Variants in HEMK1 observed in about 807,000 individuals in gnomAD.
The protein encoded by HEMK1 is HemK methyltransferase 1, mitochondrial release factors N(5)-glutamine.
A neutral mutation model predicts 47.9 loss-of-function variants in HEMK1; 36 were observed. The observed-to-expected ratio is 0.75, with a 90% CI of 0.58 to 0.99. HEMK1 has a LOEUF of 0.99. Among genes scored for constraint, HEMK1 ranks in the 50% least tolerant of loss-of-function variants. HEMK1 has a pLI of 0.00. For missense variants in HEMK1, 383 were observed against 434.5 expected, an observed-to-expected ratio of 0.88 and a Z score of 1.05; for synonymous variants, 153 against 165.4, an observed-to-expected ratio of 0.93 and a Z score of 0.57.
rs1463295073 is a variant in HEMK1, at chr3:50,590,535, G to A, written c.*10118G>A. ...CACCTCACTACCCTCTAGCGTGGGC[G>A]ACAGCAAGACTGTTTCAAAAAAAAA... On this transcript the variant is annotated 3_prime_UTR_variant, in exon 11 of 11. Transcript: ENST00000232854. 2 of 90,828 alleles carry A rather than the reference G, an allele frequency of 2.2e-5. No homozygotes were observed. Among genetic ancestry groups the A allele is most frequent in the East Asian group, 3.6e-4 (1 of 2,752 alleles). The allele number at this position is 90,828 out of a possible 1,614,324, so 5.6% of individuals were successfully genotyped here. A position where few individuals can be genotyped will look rare whatever the true frequency, so the allele number is the denominator to read the frequency against.
At chr3:50,580,346 CA>C in intron 10 of HEMK1, 34 bp from the exon 11 acceptor site, 1 of 1,613,916 alleles carries the variant, frequency 6.2e-7, no homozygotes, top group South Asian at 1.1e-5. Flanking sequence ...CCCTGAGGCC[CA>C]GGTGGTAACC....
In HEMK1 at chr3:50,587,248, C is replaced by T. The variant is rs185163281; in HGVS notation, c.*6831C>T. 7.0e-4 allele frequency: 106 copies of T among 152,316 alleles called. No individual in the cohort carries two copies. Among genetic ancestry groups the T allele is most frequent in the African/African-American group, 2.4e-3 (99 of 41,534 alleles). The allele number at this position is 152,316 out of a possible 1,614,324, so 9.4% of individuals were successfully genotyped here. Reference sequence around the variant, plus strand: ...GGAGCAAGGGTTTCCAGGGCTGTCCCTAGAGGGCTTTCTAGAAGACCTGCA... The same window carrying T: ...GGAGCAAGGGTTTCCAGGGCTGTCCTTAGAGGGCTTTCTAGAAGACCTGCA... On this transcript the variant is annotated 3_prime_UTR_variant, in exon 11 of 11. Coordinates refer to ENST00000232854, the MANE Select transcript of HEMK1 (RefSeq NM_016173.5). This position sits in a 1 kb window ranked among gnomAD's most constrained non-coding sequence, Gnocchi z 4.2.
At chr3:50,579,989 T>A in intron 9 of HEMK1, 50 bp downstream of exon 9, 1 of 1,552,138 alleles carries the variant, frequency 6.4e-7, no homozygotes, top group South Asian at 1.1e-5. Flanking sequence ...GCTCCTCTGC[T>A]CCTAATGTGT....
At position 50,595,294 on chromosome 3, in the gene HEMK1, A is replaced by C. The variant is rs1199104851; in HGVS notation, c.*14877A>C. The C allele has an allele frequency of 2.6e-5, 4 of 152,252 alleles. No homozygotes were observed. Among genetic ancestry groups the C allele is most frequent in the Non-Finnish European group, 5.9e-5 (4 of 68,052 alleles). The allele number at this position is 152,252 out of a possible 1,614,324, so 9.4% of individuals were successfully genotyped here. On this transcript the variant is annotated 3_prime_UTR_variant, in exon 11 of 11. Coordinates refer to ENST00000232854, the MANE Select transcript of HEMK1 (RefSeq NM_016173.5). ...AACTCTGGGTTCAGAAACAGACAAC[A>C]GATTATTGTTTACAGTAACGGCAGT...
chr3:50,592,864 CTGGCCCCG>C lies in HEMK1; in HGVS notation c.*12451_*12458del, dbSNP rs1324528068. 1 of 152,646 alleles carries C rather than the reference CTGGCCCCG, an allele frequency of 6.6e-6. No individual in the cohort carries two copies. Among genetic ancestry groups the C allele is most frequent in the Non-Finnish European group, 1.5e-5 (1 of 68,346 alleles). 9.5% of individuals were successfully genotyped at this position (152,646 alleles called of 1,614,324 possible). A position where few individuals can be genotyped will look rare whatever the true frequency, so the allele number is the denominator to read the frequency against. ...CTGGAGCACTGTGCCCGAGGCAAAG[CTGGCCCCG>C]TGGAGTTTGCTATTCCAGCTTTTAT... On this transcript the variant is annotated 3_prime_UTR_variant, in exon 11 of 11. Coordinates refer to ENST00000232854, the MANE Select transcript of HEMK1 (RefSeq NM_016173.5).
Position 50,571,100 on chromosome 3 carries a change from G to C in HEMK1, c.-5G>C. ...GAAGCACTCTGGAGAACCTTTCCCTGAGACATGGAGCTTTGGGGCCGAATG... is the reference window on the plus strand; with the variant it reads ...GAAGCACTCTGGAGAACCTTTCCCTCAGACATGGAGCTTTGGGGCCGAATG... On this transcript the variant is annotated 5_prime_UTR_variant, in exon 2 of 11. Transcript: ENST00000232854. 6.3e-7 allele frequency: 1 copy of C among 1,577,406 alleles called. No individual in the cohort carries two copies. Among genetic ancestry groups the C allele is most frequent in the Non-Finnish European group, 8.6e-7 (1 of 1,161,480 alleles).
chr3:50,580,751 T>G lies in HEMK1; in HGVS notation c.*334T>G. On this transcript the variant is annotated 3_prime_UTR_variant, in exon 11 of 11. Coordinates refer to ENST00000232854, the MANE Select transcript of HEMK1 (RefSeq NM_016173.5). ...CTCCCAGGTAGCACTGGGGCAAGGGTTTCCTTCTGCCCCAGCAGGGCTGGC... is the reference window on the plus strand; with the variant it reads ...CTCCCAGGTAGCACTGGGGCAAGGGGTTCCTTCTGCCCCAGCAGGGCTGGC... 2.7e-6 allele frequency: 1 copy of G among 376,978 alleles called. No individual in the cohort carries two copies. The highest frequency in any genetic ancestry group is 3.0e-5 in the South Asian group (1 of 33,310). 23.4% of individuals were successfully genotyped at this position (376,978 alleles called of 1,614,324 possible).
Position 50,578,865 on chromosome 3 carries a change from G to T in HEMK1, c.709G>T (p.Val237Phe). The T allele has an allele frequency of 6.2e-7, 1 of 1,613,568 alleles. No homozygotes were observed. ...GCCCTGGGGCCCCATGGACCTGATT[G>T]TCAGCAACCCTCCCTACGTCTTCCA... is the stretch of plus-strand genomic sequence containing the variant. ...HLPWGPMDLI[V>F]SNPPYVFHQD... The change falls in exon 8 of 11, where the codon GTC becomes TTC. Residue 237 changes from valine to phenylalanine, a missense_variant. Val to Phe is a conservative substitution (Grantham distance 50). Coordinates refer to ENST00000232854, the MANE Select transcript of HEMK1 (RefSeq NM_016173.5).
At position 50,593,340 on chromosome 3, in the gene HEMK1, CCT is replaced by C. The variant is rs2031817820; in HGVS notation, c.*12924_*12925del. On this transcript the variant is annotated 3_prime_UTR_variant, in exon 11 of 11. Transcript: ENST00000232854. ...CTAGTTTAGGGAAGGACATTAGGAC[CCT>C]GACTGTGCACCTGACTCAGGGGCCC... 1 of 152,142 alleles carries C rather than the reference CCT, an allele frequency of 6.6e-6. No individual in the cohort carries two copies. Among genetic ancestry groups the C allele is most frequent in the African/African-American group, 2.4e-5 (1 of 41,394 alleles). The allele number at this position is 152,142 out of a possible 1,614,324, so 9.4% of individuals were successfully genotyped here. A position where few individuals can be genotyped will look rare whatever the true frequency, so the allele number is the denominator to read the frequency against.
chr3:50,569,746 T>G (rs995358940), intron 1 of HEMK1, 172 bp downstream of exon 1: 1 of 152,350 alleles, frequency 6.6e-6, no homozygotes, highest in East Asian at 1.9e-4. Flanking sequence ...CACTTCTGAC[T>G]TCGGGCCTTG....
At position 50,589,307 on chromosome 3, in the gene HEMK1, A is replaced by C. The variant is rs531346581; in HGVS notation, c.*8890A>C. 3 of 152,256 alleles carry C rather than the reference A, an allele frequency of 2.0e-5. No homozygotes were observed. The highest frequency in any genetic ancestry group is 2.9e-5 in the Non-Finnish European group (2 of 68,052). The allele number at this position is 152,256 out of a possible 1,614,324, so 9.4% of individuals were successfully genotyped here. A position where few individuals can be genotyped will look rare whatever the true frequency, so the allele number is the denominator to read the frequency against. On this transcript the variant is annotated 3_prime_UTR_variant, in exon 11 of 11. Coordinates refer to ENST00000232854, the MANE Select transcript of HEMK1 (RefSeq NM_016173.5). ...CTTTGATTGACAGGGACAGCAAGAG[A>C]AGCCTTATCTCAAGCTCAGCACAAA...
chr3:50,579,103 A>G (rs1405810615), intron 8 of HEMK1, among the ~76,000 whole-genome samples, 177 bp downstream of exon 8: 4 of 152,066 alleles, frequency 2.6e-5, no homozygotes, highest in Admixed American at 6.6e-5. Context: ...CTACCTTCCT[A>G]CTTCCTTACT....
rs1575974824 is a variant in HEMK1, at chr3:50,592,419, C to G, written c.*12002C>G. 1 of 152,182 alleles carries G rather than the reference C, an allele frequency of 6.6e-6. No individual in the cohort carries two copies. The highest frequency in any genetic ancestry group is 1.5e-5 in the Non-Finnish European group (1 of 68,038). 9.4% of individuals were successfully genotyped at this position (152,182 alleles called of 1,614,324 possible). On this transcript the variant is annotated 3_prime_UTR_variant, in exon 11 of 11. Coordinates refer to ENST00000232854, the MANE Select transcript of HEMK1 (RefSeq NM_016173.5). Reference sequence around the variant, plus strand: ...GCTTAGCTGTACTGGGCACCTGGAACTCATTCTCCCTGCCACCCTCCCTCC... The same window carrying G: ...GCTTAGCTGTACTGGGCACCTGGAAGTCATTCTCCCTGCCACCCTCCCTCC...
Position 50,582,158 on chromosome 3 carries a change from GTC to G in HEMK1, c.*1746_*1747del, listed in dbSNP as rs2030897813. On this transcript the variant is annotated 3_prime_UTR_variant, in exon 11 of 11. Transcript: ENST00000232854. ...TCAGCCAGTCCTGGCTTCCCTGATG[GTC>G]TCTCCCTCCTGGCCTCAGGCCCATT... 1 of 152,210 alleles carries G rather than the reference GTC, an allele frequency of 6.6e-6. No homozygotes were observed. Among genetic ancestry groups the G allele is most frequent in the Non-Finnish European group, 1.5e-5 (1 of 68,064 alleles). 9.4% of individuals were successfully genotyped at this position (152,210 alleles called of 1,614,324 possible). A position where few individuals can be genotyped will look rare whatever the true frequency, so the allele number is the denominator to read the frequency against.
intron 6 of HEMK1, 102 bp downstream of exon 6, chr3:50,577,675 G>T: frequency 2.1e-6 from 3 of 1,403,662 alleles, no homozygotes; most frequent in Non-Finnish European, 2.0e-6. Flanking sequence ...GAAGCAGTGG[G>T]GTAGCCTGGC....
intron 7 of HEMK1, 35 bp downstream of exon 7, chr3:50,577,910 A>T: frequency 6.2e-7 from 1 of 1,601,816 alleles, no homozygotes; most frequent in Non-Finnish European, 8.6e-7. Flanking sequence ...AGAGAGGGAG[A>T]CTAGATGCAG....
chr3:50,575,171 C>T lies in HEMK1; in HGVS notation c.415-1881C>T, dbSNP rs888887792. ...GGCGCTGTGGCTTACACCTGTAATC[C>T]CAGCACTTTGGGAGGCTGAGGCGGG... On this transcript the variant is annotated intron_variant, in intron 4 of 10. Transcript: ENST00000232854. 2.6e-5 allele frequency among the ~76,000 whole-genome samples: 4 copies of T among 152,000 alleles called. No individual in the cohort carries two copies. The East Asian group carries it at 7.7e-4, about 29-fold the overall frequency.
chr3:50,573,587 G>A (rs1193658441), intron 4 of HEMK1, among the ~76,000 whole-genome samples: 1 of 152,076 alleles, frequency 6.6e-6, no homozygotes, highest in Non-Finnish European at 1.5e-5. Flanking sequence ...TACTGCAAGG[G>A]GTGGGGTGAG....
Position 50,592,184 on chromosome 3 carries a change from C to G in HEMK1, c.*11767C>G, listed in dbSNP as rs1474506443. The stretch of plus-strand genomic sequence containing the variant: ...CCCAGTGTCACACAGCAAGGTGAGG[C>G]AGGTCTGGGAGGGAAATGAACCAGA... On this transcript the variant is annotated 3_prime_UTR_variant, in exon 11 of 11. Coordinates refer to ENST00000232854, the MANE Select transcript of HEMK1 (RefSeq NM_016173.5). 6.6e-6 allele frequency: 1 copy of G among 152,098 alleles called. No individual in the cohort carries two copies. The highest frequency in any genetic ancestry group is 6.5e-5 in the Admixed American group (1 of 15,276). The allele number at this position is 152,098 out of a possible 1,614,324, so 9.4% of individuals were successfully genotyped here.
Sources: allele counts gnomAD v4.1 joint callset (sites outside exome capture counted in the v4.1 genomes callset), GRCh38; gene constraint gnomAD v4.1.1; non-coding constraint Gnocchi (gnomAD v3.1); transcripts MANE v1.5; gene names NCBI Gene and HGNC (gene_info 2026-07-23, HGNC 2026-07-21).